NUMB: variants seen among roughly 807,000 people sequenced by gnomAD.
NUMB encodes the protein NUMB endocytic adaptor protein.
NUMB carries 29 observed loss-of-function variants against 59.7 expected under a neutral mutation model. The observed-to-expected ratio is 0.49, with a 90% confidence interval of 0.36 to 0.66. NUMB has a LOEUF of 0.66. NUMB is among the 30% of genes least tolerant of loss of function. NUMB has a pLI of 0.00. For synonymous variants in NUMB, 288 were observed against 288.2 expected, an observed-to-expected ratio of 1.00 and a Z score of 0.01; for missense variants, 723 against 822.0, an observed-to-expected ratio of 0.88 and a Z score of 1.47.
At chr14:73,418,971 A>G (rs1422030610) in intron 1 of NUMB, among the ~76,000 whole-genome samples, 1 of 152,208 alleles carries the variant, frequency 6.6e-6, no homozygotes, top group African/African-American at 2.4e-5. Context: ...AGTCACCCTT[A>G]TAGTTCAAAG....
At chr14:73,395,072 T>TGTGTGC (rs1896062639) in intron 2 of NUMB, among the ~76,000 whole-genome samples, 1 of 143,486 alleles carries the variant, frequency 7.0e-6, no homozygotes, top group Non-Finnish European at 1.5e-5. Context: ...TGTGTGTGTG[T>TGTGTGC]GTGTGTGTGT....
At chr14:73,299,841 C>T (rs895349073) in intron 6 of NUMB, among the ~76,000 whole-genome samples, 2 of 152,082 alleles carry the variant, frequency 1.3e-5, no homozygotes, top group Non-Finnish European at 2.9e-5. Flanking sequence ...GATAAACTAG[C>T]ATGTTATACT....
chr14:73,345,632 C>A (rs1031781227), intron 4 of NUMB, among the ~76,000 whole-genome samples: 1 of 152,140 alleles, frequency 6.6e-6, no homozygotes, highest in Middle Eastern at 3.4e-3. Context: ...AACATTTGGC[C>A]GGGCACAGTG....
At chr14:73,389,001 CG>C (rs1895691263) in intron 2 of NUMB, among the ~76,000 whole-genome samples, 1 of 150,488 alleles carries the variant, frequency 6.6e-6, no homozygotes, top group South Asian at 2.1e-4. Flanking sequence ...AGAGAGGCTG[CG>C]GCAGAAGAAT....
intron 2 of NUMB, among the ~76,000 whole-genome samples, chr14:73,370,712 AT>A (rs1333020537): frequency 6.6e-6 from 1 of 151,940 alleles, no homozygotes; most frequent in Non-Finnish European, 1.5e-5. Flanking sequence ...AAAAAAAAAA[AT>A]CAGGTTCTTC....
intron 4 of NUMB, among the ~76,000 whole-genome samples, chr14:73,343,962 G>A (rs527921933): frequency 2.0e-5 from 3 of 151,874 alleles, no homozygotes; most frequent in African/African-American, 4.8e-5. Flanking sequence ...AGGGGTTGGG[G>A]GTTGCCTAAG....
Position 73,352,513 on chromosome 14 carries a change from TATATATATATA to T in NUMB, c.126+3102_126+3112del, listed in dbSNP as rs1893429243. ...ATATATATATATATATATATATATA[TATATATATATA>T]TATATGTTTTTTTTTTTTTTTTTTT... On this transcript the variant is annotated intron_variant, in intron 4 of 12. Coordinates refer to ENST00000555238, the MANE Select transcript of NUMB (RefSeq NM_001005743.2). Among the ~76,000 whole-genome samples the T allele has an allele frequency of 4.2e-4, 10 of 23,928 alleles. 2 individuals carry two copies. Among genetic ancestry groups the T allele is most frequent in the Non-Finnish European group, 7.7e-4 (10 of 13,056 alleles). 15.7% of individuals were successfully genotyped at this position (23,928 alleles called of 152,430 possible).
intron 1 of NUMB, among the ~76,000 whole-genome samples, chr14:73,422,434 T>C (rs1897389923): frequency 6.6e-6 from 1 of 152,008 alleles, no homozygotes; most frequent in Non-Finnish European, 1.5e-5. Flanking sequence ...ACACCATGAG[T>C]TGAATAGGAT....
chr14:73,316,478 G>C, intron 5 of NUMB, 56 bp from the exon 6 acceptor site: 1 of 1,518,172 alleles, frequency 6.6e-7, no homozygotes, highest in South Asian at 1.1e-5. Flanking sequence ...AAATGTCCCA[G>C]AGTTTCACAC....
intron 3 of NUMB, among the ~76,000 whole-genome samples, chr14:73,361,933 A>C (rs1244735381): frequency 1.3e-5 from 2 of 152,122 alleles, no homozygotes; most frequent in Non-Finnish European, 2.9e-5. Context: ...TGATGATAAG[A>C]TGTACCACTA....
chr14:73,398,411 AGAGAGTGTGTGTGTGT>A lies in NUMB; in HGVS notation c.-101+11510_-101+11525del, dbSNP rs1156883749. On this transcript the variant is annotated intron_variant, in intron 2 of 12. Coordinates refer to ENST00000555238, the MANE Select transcript of NUMB (RefSeq NM_001005743.2). ...CACACACAGAGAGAGAGAGAGAGAGAGAGAGTGTGTGTGTGTGTGTGTGTGTGTGTGTGTGTGTGTG... is the reference window on the plus strand; with the variant it reads ...CACACACAGAGAGAGAGAGAGAGAGAGTGTGTGTGTGTGTGTGTGTGTGTG... Among the ~76,000 whole-genome samples the A allele has an allele frequency of 5.2e-3, 545 of 104,102 alleles. 3 individuals are homozygous for A. The highest frequency in any genetic ancestry group is 0.022 in the African/African-American group (506 of 22,740). The allele number at this position is 104,102 out of a possible 152,430, so 68.3% of individuals were successfully genotyped here. A position where few individuals can be genotyped will look rare whatever the true frequency, so the allele number is the denominator to read the frequency against.
At chr14:73,366,489 T>C (rs946794883) in intron 3 of NUMB, among the ~76,000 whole-genome samples, 6 of 152,320 alleles carry the variant, frequency 3.9e-5, no homozygotes, top group African/African-American at 1.4e-4. Flanking sequence ...GTGCCAGGCA[T>C]TGTTGTAAAT....
intron 1 of NUMB, among the ~76,000 whole-genome samples, chr14:73,439,378 A>G (rs1882856973): frequency 6.6e-6 from 1 of 152,226 alleles, no homozygotes; most frequent in Non-Finnish European, 1.5e-5. Flanking sequence ...ACAGGGGGAA[A>G]AAGACCCAAT....
chr14:73,423,366 C>T (rs1897436582), intron 1 of NUMB, among the ~76,000 whole-genome samples: 1 of 150,662 alleles, frequency 6.6e-6, no homozygotes, highest in Non-Finnish European at 1.5e-5. Context: ...AAGCTGGGCA[C>T]AGTGGCTCAC....
At chr14:73,415,860 G>C (rs944037641) in intron 1 of NUMB, among the ~76,000 whole-genome samples, 13 of 151,916 alleles carry the variant, frequency 8.6e-5, no homozygotes, top group African/African-American at 3.1e-4. Flanking sequence ...CAATACTTTA[G>C]AATTAGAGCA....
intron 1 of NUMB, among the ~76,000 whole-genome samples, chr14:73,424,008 T>C (rs1897472718): frequency 6.7e-6 from 1 of 149,466 alleles, no homozygotes; most frequent in South Asian, 2.1e-4. Context: ...TCTATTTTGA[T>C]ACATGACAGA....
chr14:73,337,235 G>A (rs1469052028), intron 4 of NUMB, among the ~76,000 whole-genome samples: 1 of 152,094 alleles, frequency 6.6e-6, no homozygotes, highest in African/African-American at 2.4e-5. Context: ...AATTGCCCAG[G>A]CATGGTGCCT....
intron 2 of NUMB, among the ~76,000 whole-genome samples, chr14:73,408,435 G>GA (rs975278933): frequency 6.7e-6 from 1 of 148,776 alleles, no homozygotes; most frequent in Non-Finnish European, 1.5e-5. Context: ...AAACAAACAA[G>GA]AAAAAAAAAG....
chr14:73,367,988 TAAAC>T (rs1302220712), intron 2 of NUMB, among the ~76,000 whole-genome samples: 2 of 151,846 alleles, frequency 1.3e-5, no homozygotes, highest in South Asian at 2.1e-4. Context: ...CACAAGAACT[TAAAC>T]AAAAAATTCC....
Sources: gnomAD v4.1 joint callset for allele counts (sites outside exome capture counted in the v4.1 genomes callset) on GRCh38, gnomAD v4.1.1 for gene constraint, MANE v1.5 for transcripts, NCBI Gene and HGNC (gene_info 2026-07-23, HGNC 2026-07-21) for gene names.